The following GALNT17 variants were observed in gnomAD, a reference collection of about 807,000 sequenced individuals.
GALNT17 encodes the protein UDP-GalNAc:polypeptide N-acetylgalactosaminyltransferase-like 3.
GALNT17 carries 29 observed loss-of-function variants against 63.7 expected under a neutral mutation model. That is an observed-to-expected ratio of 0.46 (90% CI 0.34 to 0.62). GALNT17 has a LOEUF of 0.62. Ranked by LOEUF, GALNT17 falls within the 20% of genes least tolerant of loss-of-function variation. The probability of loss-of-function intolerance (pLI) is 0.01; values close to 1 mark genes in which losing one functional copy is unlikely to be tolerated. For missense variants in GALNT17, 603 were observed against 799.6 expected (o/e 0.75, Z 2.97); for synonymous variants, 305 against 318.3 (o/e 0.96, Z 0.45).
At chr7:71,296,076 C>A (rs1791074263) in intron 1 of GALNT17, among the ~76,000 whole-genome samples, 2 of 151,982 alleles carry the variant, frequency 1.3e-5, no homozygotes, top group Admixed American at 1.3e-4. Flanking sequence ...TTGTTTTTAG[C>A]CTTTTCCTCA....
chr7:71,255,860 A>G (rs1484527053), intron 1 of GALNT17, among the ~76,000 whole-genome samples: 2 of 152,202 alleles, frequency 1.3e-5, no homozygotes, highest in Non-Finnish European at 2.9e-5. Flanking sequence ...CCCCAGCCAC[A>G]TGAATGGACC....
chr7:71,489,884 T>C (rs1787977875), intron 5 of GALNT17, among the ~76,000 whole-genome samples: 1 of 152,194 alleles, frequency 6.6e-6, no homozygotes, highest in African/African-American at 2.4e-5. Context: ...AATGAATCTC[T>C]GCATTGGCCA....
At chr7:71,409,913 G>A (rs1452719834) in intron 3 of GALNT17, among the ~76,000 whole-genome samples, 1 of 152,130 alleles carries the variant, frequency 6.6e-6, no homozygotes, top group Non-Finnish European at 1.5e-5. Context: ...CATTGATCAG[G>A]GTAAAGGGGA....
intron 5 of GALNT17, among the ~76,000 whole-genome samples, chr7:71,491,281 T>C (rs1788002893): frequency 6.6e-6 from 1 of 152,158 alleles, no homozygotes; most frequent in African/African-American, 2.4e-5. Context: ...GCTCCCTGGG[T>C]CTTCATGGCA....
intron 1 of GALNT17, among the ~76,000 whole-genome samples, chr7:71,333,881 T>G (rs771045793): frequency 2.6e-5 from 4 of 152,324 alleles, no homozygotes; most frequent in Middle Eastern, 3.4e-3. Context: ...TCACAAGTGA[T>G]TTTAAAACCA....
chr7:71,550,027 C>G (rs999420267), intron 5 of GALNT17, among the ~76,000 whole-genome samples: 2 of 151,530 alleles, frequency 1.3e-5, no homozygotes, highest in East Asian at 3.9e-4. Flanking sequence ...GTACTATGTA[C>G]AAAATAACTA....
At chr7:71,628,290 T>C (rs1256293331) in intron 6 of GALNT17, among the ~76,000 whole-genome samples, 4 of 152,166 alleles carry the variant, frequency 2.6e-5, no homozygotes, top group African/African-American at 9.6e-5. Flanking sequence ...CCGACATAAA[T>C]TTGCTCTATT....
At chr7:71,489,260 A>G (rs1393525602) in intron 5 of GALNT17, among the ~76,000 whole-genome samples, 1 of 152,166 alleles carries the variant, frequency 6.6e-6, no homozygotes, top group East Asian at 1.9e-4. Flanking sequence ...ACACTCTAAG[A>G]ACCTTCAGAT....
chr7:71,164,576 T>C (rs1788403573), intron 1 of GALNT17, among the ~76,000 whole-genome samples: 1 of 152,160 alleles, frequency 6.6e-6, no homozygotes, highest in African/African-American at 2.4e-5. Flanking sequence ...AGAAGGGAAA[T>C]AGTGAGGAAG....
chr7:71,367,663 CG>C (rs11340308), intron 2 of GALNT17, among the ~76,000 whole-genome samples: 20,549 of 152,104 alleles, frequency 0.14, 1,748 homozygotes, highest in East Asian at 0.41. Context: ...TAGCCACTGA[CG>C]AGTCCACCAG....
At chr7:71,399,666 T>C (rs899909369) in intron 3 of GALNT17, among the ~76,000 whole-genome samples, 2 of 152,214 alleles carry the variant, frequency 1.3e-5, no homozygotes, top group Non-Finnish European at 2.9e-5. Flanking sequence ...ATTCTGAAAG[T>C]TTTATATTCA....
intron 5 of GALNT17, among the ~76,000 whole-genome samples, chr7:71,532,683 G>A (rs1023663151): frequency 2.0e-5 from 3 of 152,166 alleles, no homozygotes; most frequent in African/African-American, 7.2e-5. Flanking sequence ...TTGGCTTGAA[G>A]CATTAGAGGC....
intron 8 of GALNT17, among the ~76,000 whole-genome samples, chr7:71,670,891 T>TGA (rs1791059190): frequency 1.2e-5 from 1 of 84,826 alleles, no homozygotes; most frequent in African/African-American, 2.6e-5. Flanking sequence ...TGTGTGTGTG[T>TGA]GTGTGTGTGT....
At chr7:71,565,269 GA>G (rs35561906) in intron 5 of GALNT17, among the ~76,000 whole-genome samples, 1 of 149,704 alleles carries the variant, frequency 6.7e-6, no homozygotes, top group Admixed American at 6.6e-5. Flanking sequence ...TCCATCTCAA[GA>G]AAAAAAAAAT....
intron 6 of GALNT17, among the ~76,000 whole-genome samples, chr7:71,655,147 C>T (rs559754826): frequency 1.3e-5 from 2 of 151,986 alleles, no homozygotes; most frequent in Admixed American, 6.6e-5. Context: ...CCCAGCTACT[C>T]GGGAGGCTGG....
At chr7:71,498,922 G>C in intron 5 of GALNT17, among the ~76,000 whole-genome samples, 1 of 152,188 alleles carries the variant, frequency 6.6e-6, no homozygotes, top group East Asian at 1.9e-4. Context: ...AGCTACCTTT[G>C]AGGACATGGT....
chr7:71,706,944 G>A (rs1053341665), intron 9 of GALNT17, among the ~76,000 whole-genome samples: 2 of 152,168 alleles, frequency 1.3e-5, no homozygotes, highest in Admixed American at 6.5e-5. Flanking sequence ...CTGGGAGGGG[G>A]CTCTTCTGCT....
chr7:71,511,023 A>AATG (rs1554385062), intron 5 of GALNT17, among the ~76,000 whole-genome samples: 1 of 151,980 alleles, frequency 6.6e-6, no homozygotes, highest in Non-Finnish European at 1.5e-5. Context: ...TAATAATAAT[A>AATG]ATGATAGAAT....
chr7:71,339,459 G>T (rs980172461), intron 2 of GALNT17, among the ~76,000 whole-genome samples: 20 of 152,170 alleles, frequency 1.3e-4, no homozygotes, highest in Non-Finnish European at 2.5e-4. Flanking sequence ...GGCTAAGGCG[G>T]GCGGATCACC....
Sources: allele counts gnomAD v4.1 joint callset (sites outside exome capture counted in the v4.1 genomes callset), GRCh38; gene constraint gnomAD v4.1.1; transcripts MANE v1.5; gene names NCBI Gene and HGNC (gene_info 2026-07-23, HGNC 2026-07-21).